ARHGEF7: variants seen among roughly 807,000 people sequenced by gnomAD.
ARHGEF7 encodes Rho guanine nucleotide exchange factor 7.
ARHGEF7 carries 33 observed loss-of-function variants against 109.8 expected under a neutral mutation model. The observed-to-expected ratio is 0.30, with a 90% CI of 0.23 to 0.40. The LOEUF is 0.40. ARHGEF7 is among the 10% of genes least tolerant of loss of function. The pLI, the probability that ARHGEF7 is intolerant of heterozygous loss-of-function variation, is 1.00. For missense variants in ARHGEF7, 938 were observed against 1,098.5 expected (o/e 0.85, Z 2.07); for synonymous variants, 458 against 424.6 (o/e 1.08, Z -0.97).
chr13:111,286,579 C>T (rs2093030027), intron 17 of ARHGEF7, among the ~76,000 whole-genome samples: 2 of 152,168 alleles, frequency 1.3e-5, no homozygotes, highest in Admixed American at 1.3e-4. Context: ...CCTGAAGTGC[C>T]AGCATCTCCC....
At chr13:111,298,408 C>T (rs1258719480) in intron 19 of ARHGEF7, among the ~76,000 whole-genome samples, 1 of 152,164 alleles carries the variant, frequency 6.6e-6, no homozygotes, top group Non-Finnish European at 1.5e-5. Flanking sequence ...CCGTGTGGCC[C>T]ACGTGTCTCA....
intron 2 of ARHGEF7, chr13:111,158,994 C>G (rs775242566): frequency 2.1e-4 from 153 of 717,636 alleles, no homozygotes; most frequent in Middle Eastern, 1.8e-3. Context: ...AATTTTGTAC[C>G]CTTTGACTAA....
intron 14 of ARHGEF7, 33 bp from the exon 15 acceptor site, chr13:111,280,505 C>T (rs994661760): frequency 2.5e-6 from 4 of 1,577,476 alleles, no homozygotes; most frequent in Non-Finnish European, 2.6e-6. Flanking sequence ...ACCTGTGTTT[C>T]CACTCGGCCT....
chr13:111,190,388 G>T lies in ARHGEF7; in HGVS notation c.253-14901G>T, dbSNP rs148472573. Among the ~76,000 whole-genome samples the T allele has an allele frequency of 9.4e-3, 1,436 of 152,162 alleles. 18 individuals carry two copies. Among genetic ancestry groups the T allele is most frequent in the African/African-American group, 0.032 (1,312 of 41,498 alleles). Reference sequence around the variant, plus strand: ...CTCGTACTATCCCTGACTGGTTAGTGTAAAAACAACACTCTTCCCCTAAGA... The same window carrying T: ...CTCGTACTATCCCTGACTGGTTAGTTTAAAAACAACACTCTTCCCCTAAGA... On this transcript the variant is annotated intron_variant, in intron 2 of 21. Coordinates refer to ENST00000646102, the MANE Select transcript of ARHGEF7 (RefSeq NM_001354046.2).
At position 111,216,654 on chromosome 13, in the gene ARHGEF7, C is replaced by T. The variant is rs184844484; in HGVS notation, c.469-1025C>T. 5.3e-5 allele frequency among the ~76,000 whole-genome samples: 8 copies of T among 152,224 alleles called. No homozygotes were observed. In the East Asian group the frequency reaches 1.2e-3, roughly 22 times the overall value. ...CGCTGGTGTTCCCTAGAGCTCTGAA[C>T]GTTCTGTGCAGTCTGTGGGACACTG... On this transcript the variant is annotated intron_variant, in intron 4 of 21. Coordinates refer to ENST00000646102, the MANE Select transcript of ARHGEF7 (RefSeq NM_001354046.2).
At chr13:111,175,653 A>G (rs1170022585) in intron 2 of ARHGEF7, among the ~76,000 whole-genome samples, 2 of 152,096 alleles carry the variant, frequency 1.3e-5, no homozygotes, top group Non-Finnish European at 2.9e-5. Context: ...TTTGAAAGGT[A>G]TTGCCTTGGA....
chr13:111,193,910 A>C (rs1279408905), intron 2 of ARHGEF7, among the ~76,000 whole-genome samples: 2 of 152,210 alleles, frequency 1.3e-5, no homozygotes, highest in East Asian at 3.8e-4. Context: ...AGGGCCACGC[A>C]TGTACATATT....
chr13:111,165,894 G>A (rs557294938), intron 2 of ARHGEF7, among the ~76,000 whole-genome samples: 2 of 152,298 alleles, frequency 1.3e-5, no homozygotes, highest in East Asian at 1.9e-4. Context: ...GAACTAGATG[G>A]TTTGAGAGGG....
chr13:111,289,656 G>GT (rs1170160323), intron 18 of ARHGEF7, among the ~76,000 whole-genome samples: 2 of 152,200 alleles, frequency 1.3e-5, no homozygotes, highest in Non-Finnish European at 1.5e-5. Flanking sequence ...TTAGTGTCAT[G>GT]TATTGTTTAA....
chr13:111,134,456 T>C (rs1022612451), intron 1 of ARHGEF7, among the ~76,000 whole-genome samples: 1 of 152,238 alleles, frequency 6.6e-6, no homozygotes, highest in African/African-American at 2.4e-5. Context: ...CAGCACCTGT[T>C]GTTTCCTGAC....
chr13:111,115,109 C>G (rs1286828598), upstream of ARHGEF7: 2 of 149,522 alleles, frequency 1.3e-5, no homozygotes, highest in Non-Finnish European at 3.0e-5. Context: ...CCCATCCGCT[C>G]CCCGCTCCCC....
At position 111,280,261 on chromosome 13, in the gene ARHGEF7, G is replaced by C. The variant is rs772005353; in HGVS notation, c.1507-11G>C. 14 of 1,598,962 alleles carry C rather than the reference G, an allele frequency of 8.8e-6. No homozygotes were observed. Among genetic ancestry groups the C allele is most frequent in the Middle Eastern group, 1.7e-4 (1 of 6,034 alleles). ...ATTGTTTTTTTTTTTGTGGGGGGGGGTCTTTTTTAGGGAAAGCTTCCAACG... is the reference window on the plus strand; with the variant it reads ...ATTGTTTTTTTTTTTGTGGGGGGGGCTCTTTTTTAGGGAAAGCTTCCAACG... On this transcript the variant is annotated splice_polypyrimidine_tract_variant and intron_variant, in intron 13 of 21. Coordinates refer to ENST00000646102, the MANE Select transcript of ARHGEF7 (RefSeq NM_001354046.2).
At chr13:111,154,050 G>T (rs2076093407) in intron 2 of ARHGEF7, 59 bp downstream of exon 2, 1 of 1,501,978 alleles carries the variant, frequency 6.7e-7, no homozygotes, top group Admixed American at 2.0e-5. Context: ...TGGGCCCGGG[G>T]TGGGTGCTTC....
chr13:111,229,161 G>T (rs1594960815), intron 5 of ARHGEF7, among the ~76,000 whole-genome samples: 1 of 152,150 alleles, frequency 6.6e-6, no homozygotes, highest in Non-Finnish European at 1.5e-5. Flanking sequence ...GGGGCTGGCT[G>T]TGCTTCCTCA....
At chr13:111,140,906 T>A (rs1055783719) in intron 1 of ARHGEF7, among the ~76,000 whole-genome samples, 1 of 152,132 alleles carries the variant, frequency 6.6e-6, no homozygotes, top group African/African-American at 2.4e-5. Context: ...CTTGAACTCC[T>A]GGTTTCAAGT....
chr13:111,292,477 A>G, intron 19 of ARHGEF7, 183 bp downstream of exon 19: 1 of 1,438,374 alleles, frequency 7.0e-7, no homozygotes, highest in Non-Finnish European at 9.1e-7. Flanking sequence ...TACTTTGTGG[A>G]GGCTTAACTG....
intron 6 of ARHGEF7, among the ~76,000 whole-genome samples, chr13:111,241,975 G>C (rs1482606519): frequency 6.6e-6 from 1 of 152,152 alleles, no homozygotes; most frequent in Non-Finnish European, 1.5e-5. Flanking sequence ...GCCTGGTTTC[G>C]AGTAGCGTCT....
Position 111,259,970 on chromosome 13 carries a change from C to T in ARHGEF7, c.951-7578C>T, listed in dbSNP as rs139249505. Among the ~76,000 whole-genome samples the T allele has an allele frequency of 7.3e-4, 111 of 152,010 alleles. 1 individual carries two copies. In the East Asian group the frequency reaches 0.013, roughly 18 times the overall value. ...TTCTGGAGTTGAAAAATGTAGTTGA[C>T]GTACTGAAAAATGCATCAAAGTCTC... On this transcript the variant is annotated intron_variant, in intron 8 of 21. Transcript: ENST00000646102.
intron 1 of ARHGEF7, among the ~76,000 whole-genome samples, chr13:111,140,625 G>C (rs969318155): frequency 2.6e-5 from 4 of 152,150 alleles, no homozygotes; most frequent in African/African-American, 4.8e-5. Context: ...ATAAGGGAGC[G>C]ATTGTGTAGT....
Sources: gnomAD v4.1 joint callset for allele counts (sites outside exome capture counted in the v4.1 genomes callset) on GRCh38, gnomAD v4.1.1 for gene constraint, MANE v1.5 for transcripts, NCBI Gene and HGNC (gene_info 2026-07-23, HGNC 2026-07-21) for gene names.